COL25A1: variants seen among roughly 807,000 people sequenced by gnomAD.
COL25A1 encodes the protein collagen alpha-1(XXV) chain.
In COL25A1, 103 loss-of-function variants were observed where a neutral mutation model predicts 128.4. The observed-to-expected ratio is 0.80, with a 90% confidence interval of 0.68 to 0.94. The LOEUF (loss-of-function observed/expected upper bound fraction) is 0.94. Among genes scored for constraint, COL25A1 ranks in the 40% least tolerant of loss-of-function variants. COL25A1 has a pLI of 0.00. For synonymous variants in COL25A1, 279 were observed against 277.2 expected, an observed-to-expected ratio of 1.01 and a Z score of -0.06; for missense variants, 745 against 840.0, an observed-to-expected ratio of 0.89 and a Z score of 1.40.
chr4:108,999,814 C>T (rs1378922041), intron 6 of COL25A1, among the ~76,000 whole-genome samples: 1 of 152,130 alleles, frequency 6.6e-6, no homozygotes, highest in Non-Finnish European at 1.5e-5. Context: ...ATGTCCTTTG[C>T]AGGCACATGG....
In COL25A1 at chr4:108,810,515, T is replaced by A. The variant is rs1730710068; in HGVS notation, c.*3412A>T. On this transcript the variant is annotated 3_prime_UTR_variant, in exon 38 of 38. Transcript: ENST00000399132. ...AATCCTCCAAGACTGCTTTTGCTAATGAAAAACAAAAACTGAAAGAAAAAA... is the reference window on the plus strand; with the variant it reads ...AATCCTCCAAGACTGCTTTTGCTAAAGAAAAACAAAAACTGAAAGAAAAAA... The A allele has an allele frequency of 6.6e-6, 1 of 151,982 alleles. No homozygotes were observed. The highest frequency in any genetic ancestry group is 2.4e-5 in the African/African-American group (1 of 41,446). The allele number at this position is 151,982 out of a possible 1,614,324, so 9.4% of individuals were successfully genotyped here.
In COL25A1 at chr4:109,090,320, G is replaced by T. The variant is rs547885574; in HGVS notation, c.368-40141C>A. ...AATTTTTGTCCCTTATGATTTCCTT[G>T]TTAGTAGGTTTTCTTTATTTTTCTT... On this transcript the variant is annotated intron_variant, in intron 3 of 37. Transcript: ENST00000399132. Among the ~76,000 whole-genome samples, 10 of 152,116 alleles carry T rather than the reference G, an allele frequency of 6.6e-5. No homozygotes were observed. In the East Asian group the frequency reaches 1.9e-3, roughly 29 times the overall value.
intron 3 of COL25A1, among the ~76,000 whole-genome samples, chr4:109,083,448 ATTTT>A (rs60165291): frequency 0.02 from 1,537 of 77,096 alleles, 99 homozygotes; most frequent in African/African-American, 0.07. Context: ...CACTAAATAA[ATTTT>A]TTTTTTTTTT....
chr4:108,923,584 G>A (rs541522349), intron 11 of COL25A1, among the ~76,000 whole-genome samples: 5 of 152,282 alleles, frequency 3.3e-5, no homozygotes, highest in African/African-American at 9.6e-5. Flanking sequence ...GGCCTCAAAC[G>A]ATCCTCTCAC....
chr4:109,026,521 T>C (rs1758306650), intron 5 of COL25A1, among the ~76,000 whole-genome samples: 1 of 152,196 alleles, frequency 6.6e-6, no homozygotes, highest in African/African-American at 2.4e-5. Context: ...TGGAATAACA[T>C]GTTTAAAGGT....
intron 3 of COL25A1, among the ~76,000 whole-genome samples, chr4:109,244,193 G>A (rs1213312013): frequency 6.7e-6 from 1 of 150,136 alleles, no homozygotes; most frequent in African/African-American, 2.5e-5. Flanking sequence ...CTGAAAAACA[G>A]GCATTGAATT....
intron 19 of COL25A1, among the ~76,000 whole-genome samples, chr4:108,881,682 A>G (rs1740144561): frequency 1.9e-5 from 2 of 102,584 alleles, no homozygotes; most frequent in South Asian, 5.7e-4. Context: ...TAAGAAAACT[A>G]TGTCATAAAA....
chr4:108,993,791 C>T lies in COL25A1; in HGVS notation c.438+16567G>A, dbSNP rs564348409. Among the ~76,000 whole-genome samples the T allele has an allele frequency of 7.5e-5, 11 of 147,644 alleles. No homozygotes were observed. The East Asian group carries it at 1.6e-3, about 22-fold the overall frequency. ...AGGAGAACTGCTTGAACCCGGGAGG[C>T]AGAGGTTGCAGTGAGCCAAGATTGT... On this transcript the variant is annotated intron_variant, in intron 6 of 37. Transcript: ENST00000399132.
chr4:109,069,983 T>A (rs903815858), intron 3 of COL25A1, among the ~76,000 whole-genome samples: 2 of 151,598 alleles, frequency 1.3e-5, no homozygotes, highest in Non-Finnish European at 2.9e-5. Context: ...TTTTTTTTTT[T>A]TAAACCCTCT....
intron 3 of COL25A1, among the ~76,000 whole-genome samples, chr4:109,258,083 C>T (rs1310106231): frequency 1.3e-5 from 2 of 152,136 alleles, no homozygotes; most frequent in South Asian, 2.1e-4. Context: ...AGTTCCAGCC[C>T]TGCCTTTCCA....
chr4:108,900,892 T>C (rs1742759518), intron 14 of COL25A1, among the ~76,000 whole-genome samples: 1 of 152,148 alleles, frequency 6.6e-6, no homozygotes, highest in East Asian at 1.9e-4. Context: ...AATAAAGATG[T>C]TAGATGATCA....
intron 3 of COL25A1, among the ~76,000 whole-genome samples, chr4:109,291,425 A>G (rs892468876): frequency 1.3e-5 from 2 of 152,074 alleles, no homozygotes; most frequent in Non-Finnish European, 2.9e-5. Flanking sequence ...AAACATCATC[A>G]TTTTTATACA....
intron 3 of COL25A1, among the ~76,000 whole-genome samples, chr4:109,213,691 C>T (rs1466456548): frequency 1.3e-5 from 2 of 152,122 alleles, no homozygotes; most frequent in African/African-American, 2.4e-5. Context: ...AAATCCTATC[C>T]AAATTGCAGG....
At chr4:109,070,151 G>A (rs760220789) in intron 3 of COL25A1, among the ~76,000 whole-genome samples, 11 of 151,434 alleles carry the variant, frequency 7.3e-5, no homozygotes, top group Non-Finnish European at 1.2e-4. Flanking sequence ...CCGGCTACTC[G>A]GGAGGCTGAG....
chr4:108,894,958 C>T (rs1319811049), intron 16 of COL25A1, among the ~76,000 whole-genome samples: 1 of 152,096 alleles, frequency 6.6e-6, no homozygotes, highest in Non-Finnish European at 1.5e-5. Flanking sequence ...GTTTGATTGT[C>T]ACAACTTGGA....
chr4:109,188,344 G>A (rs1349532519), intron 3 of COL25A1, among the ~76,000 whole-genome samples: 2 of 152,162 alleles, frequency 1.3e-5, no homozygotes, highest in Non-Finnish European at 2.9e-5. Context: ...CTGGGAACAC[G>A]TGGTGGTGCT....
At chr4:109,005,615 A>C (rs1293396202) in intron 6 of COL25A1, among the ~76,000 whole-genome samples, 11 of 152,192 alleles carry the variant, frequency 7.2e-5, no homozygotes, top group Non-Finnish European at 1.2e-4. Context: ...TATTAGTAAT[A>C]GTGTCTTAAT....
intron 3 of COL25A1, among the ~76,000 whole-genome samples, chr4:109,201,251 A>G (rs74725236): frequency 0.023 from 3,546 of 152,310 alleles, 120 homozygotes; most frequent in African/African-American, 0.073. Flanking sequence ...AGAGTTTAAT[A>G]GAAAATCAAA....
chr4:109,021,704 G>C (rs747281672), intron 5 of COL25A1: 1 of 453,076 alleles, frequency 2.2e-6, no homozygotes, highest in Admixed American at 2.4e-5. Context: ...GCAAGTAGAA[G>C]AGATATCACC....
Sources: allele counts gnomAD v4.1 joint callset (sites outside exome capture counted in the v4.1 genomes callset), GRCh38; gene constraint gnomAD v4.1.1; transcripts MANE v1.5; gene names NCBI Gene and HGNC (gene_info 2026-07-23, HGNC 2026-07-21).